LEMD3: variants seen among roughly 807,000 people sequenced by gnomAD.
LEMD3 encodes inner nuclear membrane protein Man1.
LEMD3 carries 33 observed loss-of-function variants against 95.2 expected under a neutral mutation model. The observed-to-expected ratio is 0.35, with a 90% confidence interval of 0.26 to 0.46. The LOEUF is 0.46. LEMD3 is among the 20% of genes least tolerant of loss of function. The pLI is 1.00. For synonymous variants in LEMD3, 525 were observed against 474.6 expected, an observed-to-expected ratio of 1.11 and a Z score of -1.38; for missense variants, 1,210 against 1,192.8, an observed-to-expected ratio of 1.01 and a Z score of -0.21.
At position 65,243,395 on chromosome 12, in the gene LEMD3, T is replaced by C; in HGVS notation, c.2313T>C (p.His771=). 1 of 1,583,574 alleles carries C rather than the reference T, an allele frequency of 6.3e-7. No individual in the cohort carries two copies. The highest frequency in any genetic ancestry group is 1.1e-5 in the South Asian group (1 of 90,444). Residue 771 remains histidine, a synonymous_variant, in exon 10 of 13, where the codon CAT becomes CAC. Coordinates refer to ENST00000308330, the MANE Select transcript of LEMD3 (RefSeq NM_014319.5). ...PSKVWQGQAF[H]LDRRNSPPNS... ...CTAACTTGTTTTTTGTAGCATTTCA[T>C]TTAGATAGAAGAAATTCACCACCAA... is the stretch of plus-strand genomic sequence containing the variant.
At chr12:65,243,647 C>T (rs927536770) in intron 10 of LEMD3, among the ~76,000 whole-genome samples, 178 bp downstream of exon 10, 1 of 152,134 alleles carries the variant, frequency 6.6e-6, no homozygotes, top group African/African-American at 2.4e-5. Flanking sequence ...GGCCAAAGGA[C>T]ACTAATGTAT....
At chr12:65,173,891 T>G (rs1448400690) in intron 1 of LEMD3, among the ~76,000 whole-genome samples, 4 of 152,150 alleles carry the variant, frequency 2.6e-5, no homozygotes, top group Non-Finnish European at 5.9e-5. Flanking sequence ...CTTCAGTTAG[T>G]CTGCACACCT....
rs1468781869 is a variant in LEMD3, at chr12:65,245,702, A to G, written c.2421A>G (p.Gln807=). 8 of 1,613,832 alleles carry G rather than the reference A, an allele frequency of 5.0e-6. No individual in the cohort carries two copies. In the Admixed American group the frequency reaches 5.0e-5, roughly 10 times the overall value. The change falls in exon 11 of 13, where the codon CAA becomes CAG. Residue 807 remains glutamine, a synonymous_variant. Coordinates refer to ENST00000308330, the MANE Select transcript of LEMD3 (RefSeq NM_014319.5). Reference sequence around the variant, plus strand: ...GGGATCAGTGGCATTTGGCAATTCAAGAAGCAATTTTAGAAAAATGCAGTG... The same window carrying G: ...GGGATCAGTGGCATTTGGCAATTCAGGAAGCAATTTTAGAAAAATGCAGTG... The part of the protein sequence containing the change: ...EIGDQWHLAI[Q]EAILEKCSDN...
intron 1 of LEMD3, among the ~76,000 whole-genome samples, chr12:65,208,548 A>G (rs190436658): frequency 3.9e-5 from 6 of 152,228 alleles, no homozygotes. Context: ...TCCATTAAAG[A>G]CTAGGTAATT....
At position 65,245,597 on chromosome 12, in the gene LEMD3, T is replaced by C. The variant is rs1871081658; in HGVS notation, c.2388-72T>C. The stretch of plus-strand genomic sequence containing the variant: ...TACCAATTCTAGTAATATATATATG[T>C]TGTAAGAGACAGTGAAGAATTTTTA... On this transcript the variant is annotated intron_variant, in intron 10 of 12. Transcript: ENST00000308330. 9 of 966,046 alleles carry C rather than the reference T, an allele frequency of 9.3e-6. No homozygotes were observed. The Admixed American group carries it at 1.4e-4, about 15-fold the overall frequency. 59.8% of individuals were successfully genotyped at this position (966,046 alleles called of 1,614,324 possible).
rs191067160 is a variant in LEMD3 at position 65,213,167 on chromosome 12, T to A, written c.1560+2204T>A. On this transcript the variant is annotated intron_variant, in intron 2 of 12. Coordinates refer to ENST00000308330, the MANE Select transcript of LEMD3 (RefSeq NM_014319.5). ...CCTACTTAGATTATAATTTAGTTGG[T>A]CATTTGGATAGCAGTTGAGGCCCTT... Among the ~76,000 whole-genome samples, 236 of 152,272 alleles carry A rather than the reference T, an allele frequency of 1.5e-3. 4 individuals are homozygous for A. Among genetic ancestry groups the A allele is most frequent in the Admixed American group, 4.0e-3 (61 of 15,304 alleles).
chr12:65,240,932 A>G lies in LEMD3; in HGVS notation c.2150A>G (p.Asp717Gly), dbSNP rs1471013288. 1.2e-6 allele frequency: 2 copies of G among 1,614,048 alleles called. No individual in the cohort carries two copies. The highest frequency in any genetic ancestry group is 1.7e-6 in the Non-Finnish European group (2 of 1,179,922). ...AGGAAAAAAATGAAGAAAGTCTGGG[A>G]TAGAGCTGTTGACTTCCTTGCTGCT... ...HDRKKMKKVW[D>G]RAVDFLAANE... Residue 717 changes from aspartate to glycine, a missense_variant, in exon 9 of 13, where the codon GAT becomes GGT. Physicochemically the swap from Asp to Gly is moderately conservative, Grantham distance 94. Coordinates refer to ENST00000308330, the MANE Select transcript of LEMD3 (RefSeq NM_014319.5).
At chr12:65,219,524 A>G (rs1870217921) in intron 4 of LEMD3, among the ~76,000 whole-genome samples, 1 of 152,234 alleles carries the variant, frequency 6.6e-6, no homozygotes, top group Admixed American at 6.5e-5. Flanking sequence ...TGGACAAGTC[A>G]TGCCATACAA....
chr12:65,245,704 A>C lies in LEMD3; in HGVS notation c.2423A>C (p.Glu808Ala), dbSNP rs1565802042. Reference sequence around the variant, plus strand: ...GATCAGTGGCATTTGGCAATTCAAGAAGCAATTTTAGAAAAATGCAGTGAT... The same window carrying C: ...GATCAGTGGCATTTGGCAATTCAAGCAGCAATTTTAGAAAAATGCAGTGAT... ...IGDQWHLAIQ[E>A]AILEKCSDND... The change falls in exon 11 of 13, where the codon GAA becomes GCA. Residue 808 changes from glutamate (E) to alanine (A), a missense_variant. By Grantham distance (107) the Glu-to-Ala change is moderately radical. This residue lies in a region of LEMD3 where 461 missense variants were observed against 569.8 expected (regional missense o/e 0.81). Transcript: ENST00000308330. The C allele has an allele frequency of 6.2e-7, 1 of 1,613,920 alleles. No homozygotes were observed. The highest frequency in any genetic ancestry group is 2.2e-5 in the East Asian group (1 of 44,814).
At position 65,170,494 on chromosome 12, in the gene LEMD3, A is replaced by G. The variant is rs1415178710; in HGVS notation, c.898A>G (p.Lys300Glu). 6.2e-7 allele frequency: 1 copy of G among 1,612,560 alleles called. No individual in the cohort carries two copies. The highest frequency in any genetic ancestry group is 1.1e-5 in the South Asian group (1 of 91,018). The stretch of plus-strand genomic sequence containing the variant: ...TAAGCCTCTCCCCCCGCTGACTGCT[A>G]AATCGGCCGGCGGCAGGCTGGAGAC... ...HSKPLPPLTA[K>E]SAGGRLETSV... The change falls in exon 1 of 13, where the codon AAA (lysine) becomes GAA (glutamate). Residue 300 changes from lysine (K) to glutamate (E), a missense_variant. Lys to Glu is a moderately conservative substitution (Grantham distance 56, BLOSUM62 1). This residue lies in a region of LEMD3 where 749 missense variants were observed against 622.9 expected (regional missense o/e 1.20). Transcript: ENST00000308330.
intron 2 of LEMD3, among the ~76,000 whole-genome samples, chr12:65,211,251 G>A (rs1869929947): frequency 1.3e-5 from 2 of 152,140 alleles, no homozygotes; most frequent in Non-Finnish European, 2.9e-5. Flanking sequence ...CAAGTAAAAT[G>A]GGAGTGGCAT....
At chr12:65,207,540 A>T (rs1869801083) in intron 1 of LEMD3, among the ~76,000 whole-genome samples, 1 of 152,124 alleles carries the variant, frequency 6.6e-6, no homozygotes, top group South Asian at 2.1e-4. Flanking sequence ...GAGAAGAAAA[A>T]CATTCAGGCC....
Position 65,170,105 on chromosome 12 carries a change from T to C in LEMD3, c.509T>C (p.Leu170Pro), listed in dbSNP as rs1251157697. Reference sequence around the variant, plus strand: ...CGGGCTTCGCTCCAGTACCGCGGGCTCAAAGCGCCGCCGGCGCCCCTGGCC... The same window carrying C: ...CGGGCTTCGCTCCAGTACCGCGGGCCCAAAGCGCCGCCGGCGCCCCTGGCC... ...KDRASLQYRG[L>P]KAPPAPLAAS... The change falls in exon 1 of 13, where the codon CTC becomes CCC. Residue 170 changes from leucine (L) to proline (P), a missense_variant. Coordinates refer to ENST00000308330, the MANE Select transcript of LEMD3 (RefSeq NM_014319.5). 4 of 1,459,878 alleles carry C rather than the reference T, an allele frequency of 2.7e-6. No homozygotes were observed. Among genetic ancestry groups the C allele is most frequent in the Non-Finnish European group, 3.6e-6 (4 of 1,113,414 alleles). The allele number at this position is 1,459,878 out of a possible 1,614,324, so 90.4% of individuals were successfully genotyped here. A position where few individuals can be genotyped will look rare whatever the true frequency, so the allele number is the denominator to read the frequency against.
chr12:65,179,132 A>G (rs2080064669), intron 1 of LEMD3, among the ~76,000 whole-genome samples: 2 of 152,150 alleles, frequency 1.3e-5, no homozygotes, highest in Admixed American at 1.3e-4. Flanking sequence ...CTGGTAGGGA[A>G]AGTGATCTTT....
At chr12:65,201,162 CTGTT>C (rs984566435) in intron 1 of LEMD3, among the ~76,000 whole-genome samples, 2 of 152,086 alleles carry the variant, frequency 1.3e-5, no homozygotes, top group African/African-American at 4.8e-5. Flanking sequence ...ATCTTTTTGT[CTGTT>C]CTTTTACCAA....
At chr12:65,205,080 T>C (rs1403245958) in intron 1 of LEMD3, among the ~76,000 whole-genome samples, 1 of 152,112 alleles carries the variant, frequency 6.6e-6, no homozygotes, top group African/African-American at 2.4e-5. Flanking sequence ...AGTACCTTTT[T>C]CACAAGGTGA....
At chr12:65,176,417 CTG>C (rs1868721995) in intron 1 of LEMD3, among the ~76,000 whole-genome samples, 1 of 152,156 alleles carries the variant, frequency 6.6e-6, no homozygotes, top group Non-Finnish European at 1.5e-5. Context: ...TATTTTGTAA[CTG>C]TGATTCATTC....
chr12:65,187,884 T>C lies in LEMD3; in HGVS notation c.1522+16766T>C, dbSNP rs115594182. 4.1e-3 allele frequency among the ~76,000 whole-genome samples: 619 copies of C among 152,272 alleles called. 3 individuals are homozygous for C. Among genetic ancestry groups the C allele is most frequent in the African/African-American group, 0.014 (578 of 41,582 alleles). ...TATTCCCTAGCACCTGGTTTTTGGT[T>C]ACTCAATAAATATTTGTTGAACAGA... On this transcript the variant is annotated intron_variant, in intron 1 of 12. Coordinates refer to ENST00000308330, the MANE Select transcript of LEMD3 (RefSeq NM_014319.5).
chr12:65,186,504 G>T (rs1192750706), intron 1 of LEMD3, among the ~76,000 whole-genome samples: 3 of 151,726 alleles, frequency 2.0e-5, no homozygotes, highest in African/African-American at 7.3e-5. Context: ...CTAATATTTG[G>T]GTTAGGAAAT....
Sources: allele counts gnomAD v4.1 joint callset (sites outside exome capture counted in the v4.1 genomes callset), GRCh38; gene constraint gnomAD v4.1.1; regional missense constraint gnomAD v4.1.1; transcripts MANE v1.5; gene names NCBI Gene and HGNC (gene_info 2026-07-23, HGNC 2026-07-21).